Variants in RNF150 observed in about 807,000 individuals in gnomAD.
The protein encoded by RNF150 is ring finger protein 150.
RNF150 carries 24 observed loss-of-function variants against 39.3 expected under a neutral mutation model. That is an observed-to-expected ratio of 0.61 (90% confidence interval 0.44 to 0.86). The LOEUF is 0.86. Among genes scored for constraint, RNF150 ranks in the 40% least tolerant of loss-of-function variants. The pLI is 0.00. For missense variants in RNF150, 502 were observed against 587.8 expected (o/e 0.85, Z 1.51); for synonymous variants, 255 against 227.3 (o/e 1.12, Z -1.10).
intron 1 of RNF150, among the ~76,000 whole-genome samples, chr4:141,160,555 T>C (rs1727493233): frequency 6.6e-6 from 1 of 152,194 alleles, no homozygotes; most frequent in African/African-American, 2.4e-5. Flanking sequence ...TGGATCTCTA[T>C]CCTTGCCCAA....
intron 1 of RNF150, among the ~76,000 whole-genome samples, chr4:141,081,097 A>G (rs1738133556): frequency 6.6e-6 from 1 of 152,230 alleles, no homozygotes; most frequent in Admixed American, 6.5e-5. Context: ...GCAAGCATCC[A>G]TTACTGCCAT....
chr4:140,963,951 T>C (rs189025595), intron 2 of RNF150, among the ~76,000 whole-genome samples: 1 of 152,016 alleles, frequency 6.6e-6, no homozygotes, highest in Admixed American at 6.6e-5. Context: ...GGGAAAATAA[T>C]AAAATGAAGA....
rs754810197 is a variant in RNF150 at position 140,967,829 on chromosome 4, T to C, written c.529A>G (p.Lys177Glu). 6.2e-7 allele frequency: 1 copy of C among 1,613,262 alleles called. No homozygotes were observed. The highest frequency in any genetic ancestry group is 2.2e-5 in the East Asian group (1 of 44,856). Residue 177 changes from lysine (K) to glutamate (E), a missense_variant, in exon 2 of 7, where the codon AAG becomes GAG. Physicochemically the swap from Lys to Glu is moderately conservative, Grantham distance 56 (BLOSUM62 1). Coordinates refer to ENST00000515673, the MANE Select transcript of RNF150 (RefSeq NM_020724.2). ...CTTTCCAGCAGGCTTACTATCTCCT[T>C]CCCTTTTGGCTCAGGAATCATTATG... ...VAIMIPEPKG[K>E]EIVSLLERNI...
intron 1 of RNF150, among the ~76,000 whole-genome samples, chr4:141,062,701 G>T (rs1236733819): frequency 6.6e-6 from 1 of 152,074 alleles, no homozygotes; most frequent in Non-Finnish European, 1.5e-5. Flanking sequence ...TTTAGATTCT[G>T]GTAATACATG....
chr4:141,157,503 G>T (rs944370213), intron 1 of RNF150, among the ~76,000 whole-genome samples: 5 of 152,144 alleles, frequency 3.3e-5, no homozygotes, highest in Non-Finnish European at 7.4e-5. Flanking sequence ...GGCAAGAAAT[G>T]GTGTCTGTCT....
In RNF150 at chr4:140,860,385, A is replaced by C. The variant is rs1728437709; in HGVS notation, c.*7876T>G. The C allele has an allele frequency of 6.6e-6, 1 of 151,958 alleles. No individual in the cohort carries two copies. The highest frequency in any genetic ancestry group is 1.5e-5 in the Non-Finnish European group (1 of 68,002). 9.4% of individuals were successfully genotyped at this position (151,958 alleles called of 1,614,324 possible). Reference sequence around the variant, plus strand: ...TTAAGAACTGAAGTCCAAATGAAAGACTCCCCATGCAAATGTCATCAGGAG... The same window carrying C: ...TTAAGAACTGAAGTCCAAATGAAAGCCTCCCCATGCAAATGTCATCAGGAG... On this transcript the variant is annotated 3_prime_UTR_variant, in exon 7 of 7. Transcript: ENST00000515673.
chr4:141,107,354 T>A (rs1739246041), intron 1 of RNF150, among the ~76,000 whole-genome samples: 1 of 152,192 alleles, frequency 6.6e-6, no homozygotes, highest in Admixed American at 6.5e-5. Context: ...CTATTAAAAA[T>A]ATTGGTCCTA....
chr4:141,022,670 A>T (rs1735539908), intron 1 of RNF150, among the ~76,000 whole-genome samples: 1 of 152,218 alleles, frequency 6.6e-6, no homozygotes, highest in South Asian at 2.1e-4. Flanking sequence ...AATGAATGGA[A>T]GCTCATTTAG....
At chr4:140,896,578 C>G (rs1729949770) in intron 6 of RNF150, among the ~76,000 whole-genome samples, 1 of 95,568 alleles carries the variant, frequency 1.0e-5, no homozygotes, top group African/African-American at 4.1e-5. Flanking sequence ...GGGAGATATA[C>G]CTAATGCTAG....
intron 1 of RNF150, among the ~76,000 whole-genome samples, chr4:141,168,530 A>T (rs1727641065): frequency 6.6e-6 from 1 of 152,190 alleles, no homozygotes; most frequent in Non-Finnish European, 1.5e-5. Context: ...AATAGCAAAG[A>T]CTCGGAACCA....
At chr4:141,153,980 T>G (rs999981198) in intron 1 of RNF150, among the ~76,000 whole-genome samples, 4 of 152,208 alleles carry the variant, frequency 2.6e-5, no homozygotes, top group African/African-American at 9.6e-5. Context: ...TGGGACAAAT[T>G]TCTCCATCTC....
At chr4:141,171,416 G>T (rs1250804546) in intron 1 of RNF150, among the ~76,000 whole-genome samples, 1 of 151,910 alleles carries the variant, frequency 6.6e-6, no homozygotes, top group Non-Finnish European at 1.5e-5. Flanking sequence ...GCGTGTGTGT[G>T]TGCACACACC....
intron 6 of RNF150, among the ~76,000 whole-genome samples, chr4:140,894,334 G>A (rs1466776988): frequency 2.0e-5 from 3 of 152,166 alleles, no homozygotes; most frequent in African/African-American, 7.2e-5. Flanking sequence ...AGGTCTTCTA[G>A]GTATCTTCAG....
intron 4 of RNF150, among the ~76,000 whole-genome samples, chr4:140,935,960 A>G (rs1027103510): frequency 6.6e-6 from 1 of 152,224 alleles, no homozygotes; most frequent in Non-Finnish European, 1.5e-5. Flanking sequence ...ACTCTCTGCC[A>G]TGTGACCATC....
At chr4:141,118,911 C>T (rs950207078) in intron 1 of RNF150, among the ~76,000 whole-genome samples, 4 of 152,086 alleles carry the variant, frequency 2.6e-5, no homozygotes, top group African/African-American at 9.7e-5. Context: ...CAGGTACCCA[C>T]CACCATGCCT....
chr4:141,121,052 C>A (rs778329184), intron 1 of RNF150, among the ~76,000 whole-genome samples: 18 of 152,054 alleles, frequency 1.2e-4, no homozygotes, highest in Non-Finnish European at 1.9e-4. Flanking sequence ...TTTCTGTGGA[C>A]AATAATTACA....
intron 1 of RNF150, among the ~76,000 whole-genome samples, chr4:141,184,684 G>A (rs147946204): frequency 2.0e-5 from 3 of 152,080 alleles, no homozygotes; most frequent in South Asian, 2.1e-4. Context: ...TTTTGTATAA[G>A]GTGTAAGGAA....
chr4:141,016,100 T>C (rs777669538), intron 1 of RNF150, among the ~76,000 whole-genome samples: 6 of 152,336 alleles, frequency 3.9e-5, no homozygotes, highest in Non-Finnish European at 8.8e-5. Flanking sequence ...AAAACCACCT[T>C]CTAATGACCT....
At chr4:141,119,667 G>A (rs1481439167) in intron 1 of RNF150, among the ~76,000 whole-genome samples, 1 of 152,164 alleles carries the variant, frequency 6.6e-6, no homozygotes, top group East Asian at 1.9e-4. Flanking sequence ...GATAATAGAA[G>A]ATCTCAGAAA....
Sources: gnomAD v4.1 joint callset for allele counts (sites outside exome capture counted in the v4.1 genomes callset) on GRCh38, gnomAD v4.1.1 for gene constraint, MANE v1.5 for transcripts, NCBI Gene and HGNC (gene_info 2026-07-23, HGNC 2026-07-21) for gene names.